The following ZFC3H1 variants were observed in gnomAD, a reference collection of about 807,000 sequenced individuals.
ZFC3H1 encodes the protein zinc finger C3H1 domain-containing protein.
In ZFC3H1, 71 loss-of-function variants were observed where a neutral mutation model predicts 243.7. The ratio of observed to expected loss-of-function variants is 0.29; its 90% CI spans 0.24 to 0.36. The LOEUF (loss-of-function observed/expected upper bound fraction) is 0.36. Ranked by LOEUF, ZFC3H1 falls within the 10% of genes least tolerant of loss-of-function variation. ZFC3H1 has a pLI of 1.00. For synonymous variants in ZFC3H1, 838 were observed against 813.0 expected (o/e 1.03, Z -0.52); for missense variants, 1,966 against 2,317.1 (o/e 0.85, Z 3.11).
intron 22 of ZFC3H1, among the ~76,000 whole-genome samples, chr12:71,625,315 CAAGTTCAGGTGATAA>C (rs1410092158): frequency 6.6e-6 from 1 of 152,120 alleles, no homozygotes; most frequent in Non-Finnish European, 1.5e-5. Flanking sequence ...TAATGGCTCC[CAAGTTCAGGTGATAA>C]AAGTTCAGGT....
At chr12:71,619,018 TATA>T (rs1450842234) in intron 27 of ZFC3H1, among the ~76,000 whole-genome samples, 1 of 152,226 alleles carries the variant, frequency 6.6e-6, no homozygotes, top group South Asian at 2.1e-4. Flanking sequence ...AATTAAGTGC[TATA>T]ATATTAAGTA....
chr12:71,661,394 G>A (rs938598210), intron 1 of ZFC3H1, among the ~76,000 whole-genome samples: 7 of 152,026 alleles, frequency 4.6e-5, no homozygotes, highest in African/African-American at 1.7e-4. Context: ...CAAATCCATG[G>A]ATTAAGAAAC....
At chr12:71,645,355 G>C (rs895964262) in intron 3 of ZFC3H1, among the ~76,000 whole-genome samples, 8 of 152,126 alleles carry the variant, frequency 5.3e-5, no homozygotes, top group Non-Finnish European at 8.8e-5. Flanking sequence ...ATGCAAAAAA[G>C]AAAAGAGTTA....
At chr12:71,642,698 G>A (rs1294019603) in intron 5 of ZFC3H1, 139 bp from the exon 6 acceptor site, 4 of 960,566 alleles carry the variant, frequency 4.2e-6, no homozygotes, top group Non-Finnish European at 6.0e-6. Context: ...ACATCTTTGG[G>A]AAATTCAATT....
At chr12:71,647,653 G>A (rs915348373) in intron 3 of ZFC3H1, 96 bp downstream of exon 3, 1 of 664,804 alleles carries the variant, frequency 1.5e-6, no homozygotes, top group Non-Finnish European at 2.5e-6. Context: ...AAGAAAATAA[G>A]TGAAAGTAAG....
At chr12:71,634,349 C>T in intron 11 of ZFC3H1, 45 bp from the exon 12 acceptor site, 1 of 1,574,422 alleles carries the variant, frequency 6.4e-7, no homozygotes. Flanking sequence ...CAAGAATAAA[C>T]TTAAACTATT....
At chr12:71,657,430 T>C (rs1169808679) in intron 1 of ZFC3H1, 129 bp from the exon 2 acceptor site, 2 of 771,514 alleles carry the variant, frequency 2.6e-6, no homozygotes, top group African/African-American at 3.5e-5. Flanking sequence ...TATTTTTAAA[T>C]TACTAAATTC....
At chr12:71,658,253 C>T (rs1479613867) in intron 1 of ZFC3H1, among the ~76,000 whole-genome samples, 1 of 151,172 alleles carries the variant, frequency 6.6e-6, no homozygotes, top group Non-Finnish European at 1.5e-5. Context: ...AAGACAGTAC[C>T]TCCTGTGGTT....
chr12:71,662,408 G>A (rs1034089692), intron 1 of ZFC3H1, among the ~76,000 whole-genome samples: 1 of 152,042 alleles, frequency 6.6e-6, no homozygotes, highest in South Asian at 2.1e-4. Flanking sequence ...GAAACGTAAA[G>A]GAGGTAAAGT....
intron 18 of ZFC3H1, 93 bp downstream of exon 18, chr12:71,630,507 G>T (rs1565812721): frequency 2.8e-6 from 4 of 1,444,298 alleles, no homozygotes; most frequent in South Asian, 2.7e-5. Context: ...CTGAATTATA[G>T]TAAGTATTTT....
Position 71,610,418 on chromosome 12 carries a change from C to A in ZFC3H1, c.*10G>T. 1 of 1,611,646 alleles carries A rather than the reference C, an allele frequency of 6.2e-7. No individual in the cohort carries two copies. Among genetic ancestry groups the A allele is most frequent in the Non-Finnish European group, 8.5e-7 (1 of 1,178,798 alleles). On this transcript the variant is annotated 3_prime_UTR_variant, in exon 35 of 35. Transcript: ENST00000378743. The stretch of plus-strand genomic sequence containing the variant: ...TATTATAAGGACTTAGAACTGACTG[C>A]ACCCAGTGTTCAGTGATTCTTGCTT...
chr12:71,614,471 C>G, intron 30 of ZFC3H1, 64 bp downstream of exon 30: 1 of 1,427,808 alleles, frequency 7.0e-7, no homozygotes, highest in Non-Finnish European at 9.3e-7. Flanking sequence ...AGGAGTTTTG[C>G]TATCATTTTT....
intron 22 of ZFC3H1, among the ~76,000 whole-genome samples, chr12:71,625,414 G>A (rs567017753): frequency 1.7e-4 from 26 of 152,274 alleles, no homozygotes; most frequent in African/African-American, 6.3e-4. Context: ...ATTCTTGGCT[G>A]GGCATGGTGG....
At chr12:71,614,745 G>C (rs1396097126) in intron 29 of ZFC3H1, 45 bp from the exon 30 acceptor site, 1 of 1,590,026 alleles carries the variant, frequency 6.3e-7, no homozygotes, top group South Asian at 1.1e-5. Flanking sequence ...TAAGACAGTA[G>C]TTCTCTCACC....
Position 71,609,736 on chromosome 12 carries a change from A to G in ZFC3H1, c.*692T>C, listed in dbSNP as rs1879721753. On this transcript the variant is annotated 3_prime_UTR_variant, in exon 35 of 35. Transcript: ENST00000378743. Reference sequence around the variant, plus strand: ...TTATTATAAATTAAAATTTCTTTACAAAAAAATTGCACATAATATTTGACC... The same window carrying G: ...TTATTATAAATTAAAATTTCTTTACGAAAAAATTGCACATAATATTTGACC... 1 of 152,578 alleles carries G rather than the reference A, an allele frequency of 6.6e-6. No homozygotes were observed. The highest frequency in any genetic ancestry group is 2.4e-5 in the African/African-American group (1 of 41,450). 9.5% of individuals were successfully genotyped at this position (152,578 alleles called of 1,614,324 possible). A position where few individuals can be genotyped will look rare whatever the true frequency, so the allele number is the denominator to read the frequency against.
rs574279760 is a variant in ZFC3H1 at position 71,655,886 on chromosome 12, T to C, written c.1015+999A>G. On this transcript the variant is annotated intron_variant, in intron 2 of 34. Coordinates refer to ENST00000378743, the MANE Select transcript of ZFC3H1 (RefSeq NM_144982.5). ...AAACAAAACACTAGCAAACCTTCAT[T>C]TGTAATAGCCGAAAGTTGGAAAAAC... is the stretch of plus-strand genomic sequence containing the variant. 2.4e-3 allele frequency among the ~76,000 whole-genome samples: 369 copies of C among 152,218 alleles called. 3 individuals are homozygous for C. The highest frequency in any genetic ancestry group is 8.4e-3 in the African/African-American group (349 of 41,534).
chr12:71,614,331 T>G (rs77924985), intron 30 of ZFC3H1, among the ~76,000 whole-genome samples: 1 of 152,272 alleles, frequency 6.6e-6, no homozygotes, highest in East Asian at 1.9e-4. Flanking sequence ...ACATAATAAT[T>G]AATGCACATT....
chr12:71,624,838 A>G (rs931898096), intron 22 of ZFC3H1, among the ~76,000 whole-genome samples: 1 of 152,182 alleles, frequency 6.6e-6, no homozygotes, highest in Non-Finnish European at 1.5e-5. Flanking sequence ...ACGGTGGTGC[A>G]TGCCTGTAGT....
At chr12:71,644,361 T>G (rs1353923410) in intron 4 of ZFC3H1, 43 bp from the exon 5 acceptor site, 6 of 1,566,310 alleles carry the variant, frequency 3.8e-6, no homozygotes, top group Non-Finnish European at 4.3e-6. Context: ...TGTTAGGAGA[T>G]AAAAGAAAAA....
Sources: allele counts gnomAD v4.1 joint callset (sites outside exome capture counted in the v4.1 genomes callset), GRCh38; gene constraint gnomAD v4.1.1; transcripts MANE v1.5; gene names NCBI Gene and HGNC (gene_info 2026-07-23, HGNC 2026-07-21).